FSTL4: variants seen among roughly 807,000 people sequenced by gnomAD.
FSTL4 encodes follistatin like 4.
Under a neutral mutation model 78.2 loss-of-function variants are expected in FSTL4, and 28 were observed. That is an observed-to-expected ratio of 0.36 (90% CI 0.27 to 0.49). FSTL4 has a LOEUF of 0.49. Among genes scored for constraint, FSTL4 ranks in the 20% least tolerant of loss-of-function variants. The probability of loss-of-function intolerance (pLI) is 0.98; values close to 1 mark genes in which losing one functional copy is unlikely to be tolerated. For missense variants in FSTL4, 922 were observed against 1,084.9 expected (o/e 0.85, Z 2.11); for synonymous variants, 422 against 440.5 (o/e 0.96, Z 0.53).
At chr5:133,814,351 C>A in the FSTL4 span, among the ~76,000 whole-genome samples, 1 of 152,168 alleles carries the variant, frequency 6.6e-6, no homozygotes, top group Non-Finnish European at 1.5e-5. Flanking sequence ...ATAACAAGCA[C>A]GTTCCTGTCT....
At chr5:133,384,454 C>A (rs925707616) in intron 4 of FSTL4, among the ~76,000 whole-genome samples, 1 of 152,204 alleles carries the variant, frequency 6.6e-6, no homozygotes, top group Non-Finnish European at 1.5e-5. Context: ...GCTGAGATGA[C>A]TTGTACTTCT....
rs1001892894 is a variant in FSTL4 at position 133,338,748 on chromosome 5, G to A, written c.410-22096C>T. ...CTTCTTTCACATCCCAGCCTCAGCC[G>A]ACAACCCCTCCACCCAAGCCCCCTG... is the stretch of plus-strand genomic sequence containing the variant. On this transcript the variant is annotated intron_variant, in intron 4 of 15. Transcript: ENST00000265342. The surrounding 1 kb of genome is among the most constrained non-coding windows in gnomAD (Gnocchi z 4.0). 1.8e-4 allele frequency among the ~76,000 whole-genome samples: 27 copies of A among 151,790 alleles called. No homozygotes were observed. Among genetic ancestry groups the A allele is most frequent in the Admixed American group, 9.8e-4 (15 of 15,230 alleles).
the FSTL4 span, among the ~76,000 whole-genome samples, chr5:133,799,708 A>C: frequency 1.4e-5 from 2 of 138,826 alleles, no homozygotes; most frequent in Non-Finnish European, 3.2e-5. Flanking sequence ...GCAGCTGGTA[A>C]CGCCTCCCCC....
At chr5:133,784,954 G>T in the FSTL4 span, among the ~76,000 whole-genome samples, 5 of 152,152 alleles carry the variant, frequency 3.3e-5, no homozygotes, top group Admixed American at 6.5e-5. Flanking sequence ...TGAGTTATGG[G>T]ATTAAATGGG....
At chr5:133,294,414 A>T (rs1170811699) in intron 6 of FSTL4, among the ~76,000 whole-genome samples, 1 of 152,142 alleles carries the variant, frequency 6.6e-6, no homozygotes, top group Non-Finnish European at 1.5e-5. Context: ...TGCCTCAGAG[A>T]ACCTGCTCTC....
the FSTL4 span, among the ~76,000 whole-genome samples, chr5:133,820,236 G>A: frequency 3.3e-5 from 5 of 152,174 alleles, no homozygotes; most frequent in African/African-American, 1.2e-4. Flanking sequence ...CAGCTGTCAC[G>A]CTGCATTTCT....
chr5:133,666,073 A>G, the FSTL4 span, among the ~76,000 whole-genome samples: 1 of 150,890 alleles, frequency 6.6e-6, no homozygotes, highest in East Asian at 1.9e-4. Flanking sequence ...ATATCCTATC[A>G]CTTGCCAATT....
At chr5:133,791,875 G>A in the FSTL4 span, among the ~76,000 whole-genome samples, 1 of 152,198 alleles carries the variant, frequency 6.6e-6, no homozygotes, top group Non-Finnish European at 1.5e-5. Context: ...ATCAGCATGG[G>A]TTATGGCCTG....
intron 6 of FSTL4, among the ~76,000 whole-genome samples, chr5:133,301,120 C>G (rs756197116): frequency 3.9e-5 from 6 of 152,164 alleles, no homozygotes; most frequent in Admixed American, 6.5e-5. Context: ...GTGAACAGCT[C>G]CCAGAGAGGG....
At chr5:133,792,458 T>C in the FSTL4 span, among the ~76,000 whole-genome samples, 2 of 152,244 alleles carry the variant, frequency 1.3e-5, no homozygotes, top group Non-Finnish European at 2.9e-5. Flanking sequence ...AACCTCATTC[T>C]CTGAGAAAAT....
rs563876350 is a variant in FSTL4 at position 133,297,531 on chromosome 5, C to T, written c.727+15123G>A. 3.9e-5 allele frequency among the ~76,000 whole-genome samples: 6 copies of T among 152,260 alleles called. 1 individual carries two copies. Among genetic ancestry groups the T allele is most frequent in the Middle Eastern group, 3.4e-3 (1 of 294 alleles). The stretch of plus-strand genomic sequence containing the variant: ...GGCTCTTCACCTCTAAAATGAGACA[C>T]GTGGTATCTTTTCATAAGGATTGAA... On this transcript the variant is annotated intron_variant, in intron 6 of 15. Transcript: ENST00000265342.
intron 4 of FSTL4, among the ~76,000 whole-genome samples, chr5:133,331,971 C>T (rs1020358014): frequency 3.3e-5 from 5 of 152,166 alleles, no homozygotes; most frequent in African/African-American, 4.8e-5. Context: ...CGGTGCCAGG[C>T]GGAACGTGTG....
intron 3 of FSTL4, among the ~76,000 whole-genome samples, chr5:133,408,742 C>T (rs1018691232): frequency 6.6e-6 from 1 of 152,196 alleles, no homozygotes; most frequent in African/African-American, 2.4e-5. Context: ...CAAGGTTCCA[C>T]CTTCTTTTCC....
At chr5:133,681,835 A>G in the FSTL4 span, among the ~76,000 whole-genome samples, 2 of 152,080 alleles carry the variant, frequency 1.3e-5, no homozygotes, top group African/African-American at 2.4e-5. Flanking sequence ...TCCCTCTTGT[A>G]TAGAAGAGAC....
Position 133,316,661 on chromosome 5 carries a change from G to A in FSTL4, c.410-9C>T. The A allele has an allele frequency of 6.3e-7, 1 of 1,598,466 alleles. No individual in the cohort carries two copies. Among genetic ancestry groups the A allele is most frequent in the Non-Finnish European group, 8.6e-7 (1 of 1,168,210 alleles). On this transcript the variant is annotated splice_polypyrimidine_tract_variant and intron_variant, in intron 4 of 15. Transcript: ENST00000265342. ...CATGGTGCACGTGTCACCTGAAAGA[G>A]AAGGTGAGGTTATTATTTTGAGACT...
the FSTL4 span, among the ~76,000 whole-genome samples, chr5:133,621,828 T>A: frequency 6.6e-6 from 1 of 152,220 alleles, no homozygotes; most frequent in Non-Finnish European, 1.5e-5. Flanking sequence ...TTTATTTTTT[T>A]AATTTTGAAA....
At chr5:133,495,539 G>A (rs1758352031) in intron 3 of FSTL4, among the ~76,000 whole-genome samples, 1 of 152,208 alleles carries the variant, frequency 6.6e-6, no homozygotes, top group Admixed American at 6.5e-5. Flanking sequence ...TGGAGTTCCT[G>A]CTCTGGGGTA....
intron 7 of FSTL4, among the ~76,000 whole-genome samples, chr5:133,233,864 G>T (rs983701366): frequency 6.6e-6 from 1 of 152,126 alleles, no homozygotes; most frequent in Admixed American, 6.5e-5. Context: ...CCATTTACCG[G>T]CTGCCTGCTT....
chr5:133,445,482 C>T (rs1392620918), intron 3 of FSTL4, among the ~76,000 whole-genome samples: 1 of 152,218 alleles, frequency 6.6e-6, no homozygotes, highest in African/African-American at 2.4e-5. Flanking sequence ...ACCCCATCGG[C>T]CCTGCCTGCC....
Sources: allele counts gnomAD v4.1 joint callset (sites outside exome capture counted in the v4.1 genomes callset), GRCh38; gene constraint gnomAD v4.1.1; non-coding constraint Gnocchi (gnomAD v3.1); transcripts MANE v1.5; gene names NCBI Gene and HGNC (gene_info 2026-07-23, HGNC 2026-07-21).